The following IPO11 variants were observed in gnomAD, a reference collection of about 807,000 sequenced individuals.
IPO11 encodes importin 11, also known as importin-11.
A neutral mutation model predicts 143.2 loss-of-function variants in IPO11; 66 were observed. The observed-to-expected ratio is 0.46, with a 90% CI of 0.38 to 0.57. The LOEUF (loss-of-function observed/expected upper bound fraction) is 0.57. Among genes scored for constraint, IPO11 ranks in the 20% least tolerant of loss-of-function variants. The pLI is 0.00. For missense variants in IPO11, 1,026 were observed against 1,141.0 expected, an observed-to-expected ratio of 0.90 and a Z score of 1.45; for synonymous variants, 385 against 377.8, an observed-to-expected ratio of 1.02 and a Z score of -0.22.
At chr5:62,454,323 C>T (rs1288454881) in intron 5 of IPO11, among the ~76,000 whole-genome samples, 2 of 152,132 alleles carry the variant, frequency 1.3e-5, no homozygotes, top group Non-Finnish European at 2.9e-5. Context: ...CTTTCCTTTT[C>T]CTCTGTTTTG....
intron 29 of IPO11, among the ~76,000 whole-genome samples, chr5:62,619,050 G>C (rs1174965690): frequency 6.6e-6 from 1 of 152,082 alleles, no homozygotes; most frequent in Non-Finnish European, 1.5e-5. Flanking sequence ...GGCCAACATG[G>C]TGAAACCCCA....
chr5:62,603,217 G>A (rs1278442367), intron 29 of IPO11, among the ~76,000 whole-genome samples: 1 of 152,196 alleles, frequency 6.6e-6, no homozygotes, highest in African/African-American at 2.4e-5. Context: ...TGAAGTAAGT[G>A]TGAGCTATAT....
At chr5:62,434,982 A>G (rs937373465) in intron 1 of IPO11, among the ~76,000 whole-genome samples, 1 of 150,132 alleles carries the variant, frequency 6.7e-6, no homozygotes. Flanking sequence ...CTGAGATTGC[A>G]CCACTGCACT....
At chr5:62,444,848 G>A (rs556377447) in intron 3 of IPO11, among the ~76,000 whole-genome samples, 1 of 151,730 alleles carries the variant, frequency 6.6e-6, no homozygotes, top group Admixed American at 6.6e-5. Flanking sequence ...CAGCCTGGGC[G>A]ACACAGTGAG....
intron 16 of IPO11, among the ~76,000 whole-genome samples, chr5:62,494,625 C>T (rs1413009032): frequency 6.6e-6 from 1 of 151,730 alleles, no homozygotes; most frequent in East Asian, 1.9e-4. Context: ...TTGCTTTTTC[C>T]CCCTTCAAAG....
At chr5:62,614,831 C>G (rs1411023583) in intron 29 of IPO11, among the ~76,000 whole-genome samples, 1 of 152,114 alleles carries the variant, frequency 6.6e-6, no homozygotes, top group East Asian at 1.9e-4. Context: ...AGAATCAGGT[C>G]ACACACAGAC....
rs368046423 is a variant in IPO11 at position 62,615,177 on chromosome 5, G to C, written c.2764-11977G>C. 6.6e-4 allele frequency among the ~76,000 whole-genome samples: 100 copies of C among 152,276 alleles called. No individual in the cohort carries two copies. In the South Asian group the frequency reaches 0.014, roughly 22 times the overall value. Reference sequence around the variant, plus strand: ...ACAGGAGTGCCTGTTCCCATTTAGGGCCTCGAGTTTCCAGGCTTGAGGGTG... The same window carrying C: ...ACAGGAGTGCCTGTTCCCATTTAGGCCCTCGAGTTTCCAGGCTTGAGGGTG... On this transcript the variant is annotated intron_variant, in intron 29 of 29. Coordinates refer to ENST00000325324, the MANE Select transcript of IPO11 (RefSeq NM_016338.5).
intron 29 of IPO11, among the ~76,000 whole-genome samples, chr5:62,602,129 T>C (rs1257107896): frequency 6.6e-6 from 1 of 152,194 alleles, no homozygotes; most frequent in Non-Finnish European, 1.5e-5. Flanking sequence ...GCAAACCTTA[T>C]TTAAGTTGAA....
intron 22 of IPO11, among the ~76,000 whole-genome samples, chr5:62,534,864 A>T (rs1742681117): frequency 6.6e-6 from 1 of 152,160 alleles, no homozygotes; most frequent in South Asian, 2.1e-4. Context: ...GAAAGTAAAT[A>T]CCTATCTATT....
At chr5:62,620,127 T>C (rs1324183367) in intron 29 of IPO11, among the ~76,000 whole-genome samples, 2 of 152,164 alleles carry the variant, frequency 1.3e-5, no homozygotes, top group Non-Finnish European at 1.5e-5. Context: ...GCCTGTGATA[T>C]AGGCCTCAGG....
Position 62,580,277 on chromosome 5 carries a change from A to G in IPO11, c.2583-11300A>G, listed in dbSNP as rs1744499939. On this transcript the variant is annotated intron_variant, in intron 27 of 29. Coordinates refer to ENST00000325324, the MANE Select transcript of IPO11 (RefSeq NM_016338.5). ...TTTAGTGGAATTAATAATCTTAAAC[A>G]TTTGATCTTAAGTCATAATGATTTA... is the stretch of plus-strand genomic sequence containing the variant. 11 of 1,540,902 alleles carry G rather than the reference A, an allele frequency of 7.1e-6. No homozygotes were observed. The highest frequency in any genetic ancestry group is 2.0e-5 in the Admixed American group (1 of 50,938).
intron 21 of IPO11, 132 bp downstream of exon 21, chr5:62,526,389 G>A (rs945348508): frequency 8.5e-5 from 52 of 612,522 alleles, no homozygotes; most frequent in Non-Finnish European, 1.3e-4. Flanking sequence ...TCAAACTGGG[G>A]CATATATCTC....
chr5:62,574,639 T>C (rs1744252018), intron 27 of IPO11, among the ~76,000 whole-genome samples: 1 of 152,200 alleles, frequency 6.6e-6, no homozygotes, highest in African/African-American at 2.4e-5. Flanking sequence ...GTTTAATAGT[T>C]CTGCTTTCTG....
At chr5:62,581,115 A>T (rs1478842962) in intron 27 of IPO11, 6 of 1,549,706 alleles carry the variant, frequency 3.9e-6, no homozygotes, top group Non-Finnish European at 5.2e-6. Flanking sequence ...TAAAGGCATC[A>T]GAAAACTCAA....
At position 62,474,462 on chromosome 5, in the gene IPO11, G is replaced by A; in HGVS notation, c.755G>A (p.Cys252Tyr). The stretch of plus-strand genomic sequence containing the variant: ...GAACGTCTAAAACAGTTTCTGGAAT[G>A]CAGTAAGTACTTTCGTTGCAGTCCT... ...IFERLKQFLE[C>Y]SRSIGTDNVC... Residue 252 changes from cysteine to tyrosine, a missense_variant and splice_region_variant, in exon 8 of 30, where the codon TGC becomes TAC. Coordinates refer to ENST00000325324, the MANE Select transcript of IPO11 (RefSeq NM_016338.5). The A allele has an allele frequency of 1.9e-6, 3 of 1,577,488 alleles. No individual in the cohort carries two copies. The highest frequency in any genetic ancestry group is 1.4e-5 in the African/African-American group (1 of 73,040).
At chr5:62,566,490 T>C (rs1743943887) in intron 27 of IPO11, among the ~76,000 whole-genome samples, 1 of 152,132 alleles carries the variant, frequency 6.6e-6, no homozygotes, top group South Asian at 2.1e-4. Context: ...CTCAGCACTT[T>C]GGGAGGCCGA....
At chr5:62,453,856 T>A (rs1745027234) in intron 5 of IPO11, among the ~76,000 whole-genome samples, 1 of 152,130 alleles carries the variant, frequency 6.6e-6, no homozygotes, top group African/African-American at 2.4e-5. Context: ...CAGTCTTGGC[T>A]GGGTGCGGTG....
chr5:62,555,883 C>G (rs1743560086), intron 26 of IPO11, among the ~76,000 whole-genome samples: 1 of 152,124 alleles, frequency 6.6e-6, no homozygotes, highest in South Asian at 2.1e-4. Flanking sequence ...CTCCTGGTCT[C>G]AAGAGATACT....
At chr5:62,435,102 A>G (rs796733549) in intron 1 of IPO11, among the ~76,000 whole-genome samples, 2,102 of 66,778 alleles carry the variant, frequency 0.031, 100 homozygotes, top group African/African-American at 0.052. Context: ...GTATATATGT[A>G]TATATATGTA....
Sources: gnomAD v4.1 joint callset for allele counts (sites outside exome capture counted in the v4.1 genomes callset) on GRCh38, gnomAD v4.1.1 for gene constraint, MANE v1.5 for transcripts, NCBI Gene and HGNC (gene_info 2026-07-23, HGNC 2026-07-21) for gene names.